TENM3: variants seen among roughly 807,000 people sequenced by gnomAD.
TENM3 encodes the protein teneurin-3.
A neutral mutation model predicts 255.1 loss-of-function variants in TENM3; 63 were observed. That is an observed-to-expected ratio of 0.25 (90% CI 0.20 to 0.30). The LOEUF (loss-of-function observed/expected upper bound fraction) is 0.30, where lower values mean the gene tolerates loss of function less well. Ranked by LOEUF, TENM3 falls within the 10% of genes least tolerant of loss-of-function variation. The probability of loss-of-function intolerance (pLI) is 1.00; values close to 1 mark genes in which losing one functional copy is unlikely to be tolerated. For synonymous variants in TENM3, 1,306 were observed against 1,322.3 expected, an observed-to-expected ratio of 0.99 and a Z score of 0.27; for missense variants, 2,929 against 3,461.1, an observed-to-expected ratio of 0.85 and a Z score of 3.86.
At chr4:182,106,762 A>G in the TENM3 span, among the ~76,000 whole-genome samples, 1 of 152,202 alleles carries the variant, frequency 6.6e-6, no homozygotes, top group Admixed American at 6.5e-5. Flanking sequence ...AGAGATTACT[A>G]TTAAATAGTG....
chr4:181,496,930 C>A, the TENM3 span, among the ~76,000 whole-genome samples: 2 of 124,670 alleles, frequency 1.6e-5, no homozygotes, highest in African/African-American at 1.3e-4. Context: ...ACAGAGAAAT[C>A]ACTATTATAA....
chr4:182,314,108 C>T (rs537589964), intron 1 of TENM3, among the ~76,000 whole-genome samples: 6 of 152,096 alleles, frequency 3.9e-5, no homozygotes, highest in Non-Finnish European at 7.4e-5. Flanking sequence ...GTCAGGAGAT[C>T]GAGACCATGA....
chr4:182,147,590 C>T (rs1414904381), intron 1 of TENM3, among the ~76,000 whole-genome samples: 1 of 152,106 alleles, frequency 6.6e-6, no homozygotes, highest in Non-Finnish European at 1.5e-5. Context: ...AGCTGTGCAA[C>T]CTGTTAAGCA....
At chr4:181,461,377 T>C in the TENM3 span, among the ~76,000 whole-genome samples, 2 of 152,260 alleles carry the variant, frequency 1.3e-5, no homozygotes, top group East Asian at 1.9e-4. Flanking sequence ...GTTTATTGCA[T>C]TTAAAATTGA....
the TENM3 span, among the ~76,000 whole-genome samples, chr4:182,039,932 G>A: frequency 7.8e-5 from 11 of 140,604 alleles, no homozygotes; most frequent in Non-Finnish European, 1.4e-4. Flanking sequence ...GGAGGGGATG[G>A]AAGGGGAGGG....
At chr4:182,591,023 G>T (rs1452678067) in intron 3 of TENM3, among the ~76,000 whole-genome samples, 2 of 152,096 alleles carry the variant, frequency 1.3e-5, no homozygotes, top group Non-Finnish European at 2.9e-5. Context: ...AGTTCCACAG[G>T]CAGGCTGAGA....
Position 182,773,635 on chromosome 4 carries a change from A to T in TENM3, c.5056A>T (p.Thr1686Ser). Residue 1686 changes from threonine to serine, a missense_variant, in exon 23 of 28, where the codon ACC becomes TCC. Coordinates refer to ENST00000511685, the MANE Select transcript of TENM3 (RefSeq NM_001080477.4). ...TCTGTCCTCGATCGATTCTTTCTAC[A>T]CCATGGTTCAAGGTAAACACGAAAG... The part of the protein sequence containing the change: ...SNLSSIDSFY[T>S]MVQDQLRNSY... 6.2e-7 allele frequency: 1 copy of T among 1,612,226 alleles called. No individual in the cohort carries two copies. Among genetic ancestry groups the T allele is most frequent in the Non-Finnish European group, 8.5e-7 (1 of 1,179,150 alleles).
At chr4:182,099,334 C>T in the TENM3 span, among the ~76,000 whole-genome samples, 1 of 152,102 alleles carries the variant, frequency 6.6e-6, no homozygotes, top group South Asian at 2.1e-4. Flanking sequence ...CTTCAAAGCC[C>T]AAGACCTTAA....
the TENM3 span, among the ~76,000 whole-genome samples, chr4:181,799,490 T>C: frequency 1.3e-5 from 2 of 152,262 alleles, no homozygotes; most frequent in Non-Finnish European, 2.9e-5. Flanking sequence ...ATTTAAATTG[T>C]GTACCTAACT....
chr4:182,743,303 G>C lies in TENM3; in HGVS notation c.3513G>C (p.Lys1171Asn). 6.2e-7 allele frequency: 1 copy of C among 1,614,038 alleles called. No homozygotes were observed. Among genetic ancestry groups the C allele is most frequent in the Non-Finnish European group, 8.5e-7 (1 of 1,179,888 alleles). The change falls in exon 19 of 28, where the codon AAG becomes AAC. Residue 1171 changes from lysine to asparagine, a missense_variant. Lys to Asn is a moderately conservative substitution (Grantham distance 94). Coordinates refer to ENST00000511685, the MANE Select transcript of TENM3 (RefSeq NM_001080477.4). ...PSCNGQADGN[K>N]LLAPVALACG... is the part of the protein sequence containing the mutation. ...GCAATGGTCAAGCTGATGGTAACAA[G>C]TTACTGGCCCCAGTGGCGCTAGCTT...
chr4:181,840,148 G>GT, the TENM3 span, among the ~76,000 whole-genome samples: 6 of 152,054 alleles, frequency 3.9e-5, no homozygotes, highest in Admixed American at 3.3e-4. Flanking sequence ...TAAGTCACCT[G>GT]TTTTTTCCTT....
chr4:182,557,057 C>G (rs927550538), intron 3 of TENM3, among the ~76,000 whole-genome samples: 2 of 152,182 alleles, frequency 1.3e-5, no homozygotes, highest in Non-Finnish European at 2.9e-5. Context: ...TTTTCTTCTT[C>G]TACAAGATTG....
At chr4:181,586,851 AAAACAAAC>A in the TENM3 span, among the ~76,000 whole-genome samples, 29 of 151,924 alleles carry the variant, frequency 1.9e-4, no homozygotes, top group African/African-American at 3.9e-4. Flanking sequence ...AAAACAAAAC[AAAACAAAC>A]AAACAAACAA....
chr4:181,809,823 C>G, the TENM3 span, among the ~76,000 whole-genome samples: 2 of 152,210 alleles, frequency 1.3e-5, no homozygotes, highest in Non-Finnish European at 2.9e-5. Context: ...ATGTGAGAAG[C>G]AGAGACGATG....
chr4:182,317,761 AT>A (rs1375151226), intron 1 of TENM3, among the ~76,000 whole-genome samples: 2 of 151,994 alleles, frequency 1.3e-5, no homozygotes, highest in Non-Finnish European at 2.9e-5. Flanking sequence ...AATTATTTCA[AT>A]TTTTGGATTT....
At chr4:182,464,715 T>C (rs916953944) in intron 3 of TENM3, among the ~76,000 whole-genome samples, 9 of 152,236 alleles carry the variant, frequency 5.9e-5, no homozygotes, top group Admixed American at 5.9e-4. Flanking sequence ...TTTCATGCTA[T>C]GGAAAGAGAT....
chr4:182,732,371 G>A (rs1253712839), intron 16 of TENM3, among the ~76,000 whole-genome samples: 1 of 152,154 alleles, frequency 6.6e-6, no homozygotes, highest in East Asian at 1.9e-4. Context: ...TTTGGAAAAG[G>A]TAGTTTTGAC....
Position 182,649,808 on chromosome 4 carries a change from T to C in TENM3, c.989-3963T>C, listed in dbSNP as rs76587747. The stretch of plus-strand genomic sequence containing the variant: ...CCCCAAGTACTGCCCCAGCCTGCAG[T>C]GTCTTTGGATGTAGTAGAGAAGTGT... On this transcript the variant is annotated intron_variant, in intron 5 of 27. Transcript: ENST00000511685. Among the ~76,000 whole-genome samples, 651 of 150,344 alleles carry C rather than the reference T, an allele frequency of 4.3e-3. 16 individuals carry two copies. Among genetic ancestry groups the C allele is most frequent in the African/African-American group, 0.015 (610 of 41,388 alleles).
At chr4:182,320,679 C>A (rs1476225670) in intron 1 of TENM3, among the ~76,000 whole-genome samples, 1 of 152,200 alleles carries the variant, frequency 6.6e-6, no homozygotes, top group Non-Finnish European at 1.5e-5. Flanking sequence ...TAAGATTTAT[C>A]TTTTGGGGAG....
Sources: allele counts gnomAD v4.1 joint callset (sites outside exome capture counted in the v4.1 genomes callset), GRCh38; gene constraint gnomAD v4.1.1; transcripts MANE v1.5; gene names NCBI Gene and HGNC (gene_info 2026-07-23, HGNC 2026-07-21).